The following ZBTB21 variants were observed in gnomAD, a reference collection of about 807,000 sequenced individuals.
The protein encoded by ZBTB21 is zinc finger and BTB domain containing 21, also known as zinc finger and BTB domain-containing protein 21.
In ZBTB21, 10 loss-of-function variants were observed where a neutral mutation model predicts 39.8. The observed-to-expected ratio is 0.25, with a 90% CI of 0.16 to 0.43. ZBTB21 has a LOEUF of 0.43. ZBTB21 is among the 20% of genes least tolerant of loss of function. The probability of loss-of-function intolerance (pLI) is 1.00; values close to 1 mark genes in which losing one functional copy is unlikely to be tolerated. For synonymous variants in ZBTB21, 551 were observed against 498.8 expected, an observed-to-expected ratio of 1.10 and a Z score of -1.40; for missense variants, 1,221 against 1,296.3, an observed-to-expected ratio of 0.94 and a Z score of 0.89.
intron 2 of ZBTB21, among the ~76,000 whole-genome samples, chr21:41,996,530 T>C (rs1428976596): frequency 6.6e-6 from 1 of 152,222 alleles, no homozygotes; most frequent in Non-Finnish European, 1.5e-5. Context: ...GGGAAGTAAC[T>C]AACTTGTTTT....
At position 41,988,047 on chromosome 21, in the gene ZBTB21, T is replaced by A. The variant is rs1036817867; in HGVS notation, c.*2848A>T. ...AGAACATCACTGTTGAATTGTTAGT[T>A]GTATATTCTGGTAAAATTATAAATG... is the stretch of plus-strand genomic sequence containing the variant. On this transcript the variant is annotated 3_prime_UTR_variant, in exon 3 of 3. Transcript: ENST00000310826. 1 of 152,040 alleles carries A rather than the reference T, an allele frequency of 6.6e-6. No individual in the cohort carries two copies. The highest frequency in any genetic ancestry group is 2.4e-5 in the African/African-American group (1 of 41,276). 9.4% of individuals were successfully genotyped at this position (152,040 alleles called of 1,614,324 possible).
chr21:42,008,530 G>A (rs1172439408), intron 1 of ZBTB21, among the ~76,000 whole-genome samples: 1 of 58,434 alleles, frequency 1.7e-5, no homozygotes, highest in Non-Finnish European at 3.0e-5. Context: ...CAACAAGAGT[G>A]AAACTCTGTC....
chr21:42,001,148 A>C (rs2065812588), intron 2 of ZBTB21, among the ~76,000 whole-genome samples: 1 of 152,240 alleles, frequency 6.6e-6, no homozygotes. Flanking sequence ...CATAGAGATA[A>C]GTAGCAGAGC....
chr21:41,989,773 CAA>C lies in ZBTB21; in HGVS notation c.*1120_*1121del, dbSNP rs1351736086. 1 of 152,090 alleles carries C rather than the reference CAA, an allele frequency of 6.6e-6. No individual in the cohort carries two copies. The highest frequency in any genetic ancestry group is 2.4e-5 in the African/African-American group (1 of 41,430). 9.4% of individuals were successfully genotyped at this position (152,090 alleles called of 1,614,324 possible). ...CAACAAATTCTAACAGAAATTGTCA[CAA>C]GAGAGAGGCAGGAAAATGTATATGT... On this transcript the variant is annotated 3_prime_UTR_variant, in exon 3 of 3. Coordinates refer to ENST00000310826, the MANE Select transcript of ZBTB21 (RefSeq NM_001098402.2).
rs369571175 is a variant in ZBTB21, at chr21:41,989,188, GT to G, written c.*1706del. 6.6e-6 allele frequency: 1 copy of G among 152,024 alleles called. No homozygotes were observed. The highest frequency in any genetic ancestry group is 2.4e-5 in the African/African-American group (1 of 41,402). 9.4% of individuals were successfully genotyped at this position (152,024 alleles called of 1,614,324 possible). A position where few individuals can be genotyped will look rare whatever the true frequency, so the allele number is the denominator to read the frequency against. On this transcript the variant is annotated 3_prime_UTR_variant, in exon 3 of 3. Coordinates refer to ENST00000310826, the MANE Select transcript of ZBTB21 (RefSeq NM_001098402.2). ...TACTAAAATATTGTGGAATTTTGGA[GT>G]TTTTTCAAGTGAAAGAATACAAGGC...
At chr21:42,004,775 A>C (rs2065859616) in intron 1 of ZBTB21, among the ~76,000 whole-genome samples, 1 of 152,260 alleles carries the variant, frequency 6.6e-6, no homozygotes, top group South Asian at 2.1e-4. Flanking sequence ...GCAAATACCT[A>C]GTTAAAAAAA....
chr21:41,999,631 C>T (rs1265027591), intron 2 of ZBTB21, among the ~76,000 whole-genome samples: 2 of 152,190 alleles, frequency 1.3e-5, no homozygotes, highest in South Asian at 2.1e-4. Flanking sequence ...CAGGAACCTA[C>T]ACTACAAACT....
At chr21:41,999,223 T>C (rs1408948373) in intron 2 of ZBTB21, among the ~76,000 whole-genome samples, 4 of 152,254 alleles carry the variant, frequency 2.6e-5, no homozygotes, top group Non-Finnish European at 5.9e-5. Context: ...GGTACAGATT[T>C]AAAGGCTTGG....
chr21:41,993,427 A>G lies in ZBTB21; in HGVS notation c.669T>C (p.Ser223=), dbSNP rs1366439148. Residue 223 remains serine, a synonymous_variant, in exon 3 of 3, where the codon TCT becomes TCC. Coordinates refer to ENST00000310826, the MANE Select transcript of ZBTB21 (RefSeq NM_001098402.2). The stretch of plus-strand genomic sequence containing the variant: ...TTCTATTAGGATCATCCAAAGATCC[A>G]GAATGCTCAAGAGACTTTGCATATA... The part of the protein sequence containing the change: ...SVVYAKSLEH[S]GSLDDPNRIS... 1.9e-6 allele frequency: 3 copies of G among 1,614,136 alleles called. No individual in the cohort carries two copies. Among genetic ancestry groups the G allele is most frequent in the African/African-American group, 2.7e-5 (2 of 74,948 alleles).
At position 41,992,343 on chromosome 21, in the gene ZBTB21, G is replaced by GAAACCTC; in HGVS notation, c.1746_1752dup (p.His585GlufsTer27). ...TGTGTCCACACTTTGAAGTTGGTGTGAAACCTCTTGTGACAGATGTCACAA... is the reference window on the plus strand; with the variant it reads ...TGTGTCCACACTTTGAAGTTGGTGTGAAACCTCAAACCTCTTGTGACAGATGTCACAA... On this transcript the variant is annotated frameshift_variant, in exon 3 of 3. Coordinates refer to ENST00000310826, the MANE Select transcript of ZBTB21 (RefSeq NM_001098402.2). LOFTEE classifies it high-confidence loss of function. This position sits in a 1 kb window ranked among gnomAD's most constrained non-coding sequence, Gnocchi z 4.1. 6.2e-7 allele frequency: 1 copy of GAAACCTC among 1,614,210 alleles called. No individual in the cohort carries two copies. The highest frequency in any genetic ancestry group is 8.5e-7 in the Non-Finnish European group (1 of 1,180,040).
At chr21:41,994,230 C>A in intron 2 of ZBTB21, 122 bp from the exon 3 acceptor site, 1 of 759,272 alleles carries the variant, frequency 1.3e-6, no homozygotes, top group Non-Finnish European at 2.0e-6. Flanking sequence ...CGTAGGCTAA[C>A]AGAAGCTCTA....
intron 2 of ZBTB21, among the ~76,000 whole-genome samples, chr21:41,995,621 A>C (rs553337397): frequency 6.6e-6 from 1 of 152,374 alleles, no homozygotes; most frequent in East Asian, 1.9e-4. Flanking sequence ...TTTTCTGAGA[A>C]GAAATTCAAA....
chr21:42,004,130 G>A (rs1482314092), intron 1 of ZBTB21, among the ~76,000 whole-genome samples: 2 of 151,804 alleles, frequency 1.3e-5, no homozygotes, highest in African/African-American at 4.8e-5. Flanking sequence ...CTCCTGAGTA[G>A]CTGGGACTAC....
intron 2 of ZBTB21, among the ~76,000 whole-genome samples, chr21:41,995,875 T>C (rs986738752): frequency 6.6e-6 from 1 of 152,264 alleles, no homozygotes; most frequent in Non-Finnish European, 1.5e-5. Context: ...AAGGTACAGC[T>C]TGGGCCATGG....
chr21:41,999,913 A>G (rs1260022070), intron 2 of ZBTB21, among the ~76,000 whole-genome samples: 1 of 152,228 alleles, frequency 6.6e-6, no homozygotes. Context: ...GAAGATTCTG[A>G]GCAGAGGAAT....
At chr21:42,007,012 T>C (rs1359417774) in intron 1 of ZBTB21, among the ~76,000 whole-genome samples, 2 of 152,348 alleles carry the variant, frequency 1.3e-5, no homozygotes, top group East Asian at 3.9e-4. Flanking sequence ...CAGTACTTTG[T>C]TATAGCAGCC....
intron 2 of ZBTB21, among the ~76,000 whole-genome samples, chr21:42,001,733 CCA>C (rs1323953484): frequency 6.6e-6 from 1 of 152,174 alleles, no homozygotes; most frequent in Non-Finnish European, 1.5e-5. Flanking sequence ...GCTTATTCTG[CCA>C]CACACACAAA....
At chr21:41,994,132 CT>C in intron 2 of ZBTB21, 24 bp from the exon 3 acceptor site, 1 of 1,533,134 alleles carries the variant, frequency 6.5e-7, no homozygotes, top group Non-Finnish European at 8.7e-7. Context: ...TGTAAAATTA[CT>C]ACAGATATTG....
intron 2 of ZBTB21, among the ~76,000 whole-genome samples, chr21:42,001,703 A>G (rs1200046066): frequency 1.3e-5 from 2 of 152,238 alleles, no homozygotes; most frequent in African/African-American, 4.8e-5. Flanking sequence ...TAGGTACTCA[A>G]TAACAGCTAT....
Sources: allele counts gnomAD v4.1 joint callset (sites outside exome capture counted in the v4.1 genomes callset), GRCh38; gene constraint gnomAD v4.1.1; non-coding constraint Gnocchi (gnomAD v3.1); transcripts MANE v1.5; gene names NCBI Gene and HGNC (gene_info 2026-07-23, HGNC 2026-07-21).